SDK1: variants seen among roughly 807,000 people sequenced by gnomAD.
The protein encoded by SDK1 is protein sidekick-1.
Under a neutral mutation model 245.5 loss-of-function variants are expected in SDK1, and 157 were observed. The observed-to-expected ratio is 0.64, with a 90% CI of 0.56 to 0.73. The LOEUF (loss-of-function observed/expected upper bound fraction) is 0.73, where lower values mean the gene tolerates loss of function less well. Ranked by LOEUF, SDK1 falls within the 30% of genes least tolerant of loss-of-function variation. SDK1 has a pLI of 0.00. For missense variants in SDK1, 3,583 were observed against 3,002.3 expected (o/e 1.19, Z -4.52); for synonymous variants, 1,647 against 1,278.5 (o/e 1.29, Z -6.15).
At position 4,142,726 on chromosome 7, in the gene SDK1, A is replaced by G. The variant is rs538076408; in HGVS notation, c.4229-2996A>G. Reference sequence around the variant, plus strand: ...GATCCACCCTCCTTGGCCTCCCAAAATGCTGGGATTACAGGCGTGAGCCAC... The same window carrying G: ...GATCCACCCTCCTTGGCCTCCCAAAGTGCTGGGATTACAGGCGTGAGCCAC... On this transcript the variant is annotated intron_variant, in intron 28 of 44. Transcript: ENST00000404826. 8.9e-4 allele frequency among the ~76,000 whole-genome samples: 136 copies of G among 152,158 alleles called. 1 individual carries two copies. Among genetic ancestry groups the G allele is most frequent in the Non-Finnish European group, 1.6e-3 (109 of 67,982 alleles).
In SDK1 at chr7:3,619,132, G is replaced by GA. The variant is rs1387016135; in HGVS notation, c.351_352insA (p.Glu118ArgfsTer25). Reference sequence around the variant, plus strand: ...AGCCAGGCCTACCACAGATCCACCTGGAAGGGAACCGCCTTGTTCTCACCT... The same window carrying GA: ...AGCCAGGCCTACCACAGATCCACCTGAGAAGGGAACCGCCTTGTTCTCACCT... On this transcript the variant is annotated frameshift_variant, in exon 2 of 45. Coordinates refer to ENST00000404826, the MANE Select transcript of SDK1 (RefSeq NM_152744.4). LOFTEE classifies it high-confidence loss of function. 1 of 1,613,624 alleles carries GA rather than the reference G, an allele frequency of 6.2e-7. No individual in the cohort carries two copies. Among genetic ancestry groups the GA allele is most frequent in the Non-Finnish European group, 8.5e-7 (1 of 1,179,742 alleles).
intron 4 of SDK1, among the ~76,000 whole-genome samples, chr7:3,703,008 A>G (rs1488985885): frequency 9.9e-5 from 15 of 151,844 alleles, no homozygotes; most frequent in African/African-American, 3.1e-4. Flanking sequence ...GTGCATCTAG[A>G]AAATATTGGA....
chr7:3,624,594 C>G (rs1232445228), intron 2 of SDK1, among the ~76,000 whole-genome samples: 2 of 151,922 alleles, frequency 1.3e-5, no homozygotes, highest in Non-Finnish European at 2.9e-5. Flanking sequence ...AGAAGAATAC[C>G]AACAAATTTT....
At chr7:4,230,813 C>T (rs1194881139) in intron 40 of SDK1, among the ~76,000 whole-genome samples, 3 of 152,044 alleles carry the variant, frequency 2.0e-5, no homozygotes, top group South Asian at 2.1e-4. Context: ...CTTCCTGGAA[C>T]GTGGGGTGGG....
chr7:3,321,788 C>CCTTCCTTT (rs1779816816), intron 1 of SDK1, among the ~76,000 whole-genome samples: 1 of 82,036 alleles, frequency 1.2e-5, no homozygotes, highest in Non-Finnish European at 2.3e-5. Flanking sequence ...CTCCTTCCTT[C>CCTTCCTTT]CTTCCTTCCT....
chr7:4,099,334 C>A (rs1782386777), intron 22 of SDK1, among the ~76,000 whole-genome samples: 2 of 145,534 alleles, frequency 1.4e-5, no homozygotes, highest in Non-Finnish European at 3.0e-5. Flanking sequence ...GCAGGGAATG[C>A]CACACAGGGC....
At chr7:3,759,993 T>G (rs974544768) in intron 4 of SDK1, among the ~76,000 whole-genome samples, 4 of 152,220 alleles carry the variant, frequency 2.6e-5, no homozygotes, top group African/African-American at 9.7e-5. Context: ...GGTATAAATT[T>G]TGTAGAGACC....
At chr7:3,376,798 TAAA>T (rs145450654) in intron 1 of SDK1, among the ~76,000 whole-genome samples, 2 of 151,756 alleles carry the variant, frequency 1.3e-5, no homozygotes, top group African/African-American at 2.4e-5. Context: ...TGTATACTGT[TAAA>T]AAAAAATCCC....
intron 5 of SDK1, among the ~76,000 whole-genome samples, chr7:3,938,737 T>C (rs1780252595): frequency 6.6e-6 from 1 of 152,004 alleles, no homozygotes; most frequent in Non-Finnish European, 1.5e-5. Context: ...CTAAATATGC[T>C]CCTAAATCAT....
intron 4 of SDK1, among the ~76,000 whole-genome samples, chr7:3,708,848 A>C (rs898526542): frequency 7.9e-5 from 12 of 152,238 alleles, no homozygotes; most frequent in Non-Finnish European, 1.6e-4. Context: ...TTTTCTATCT[A>C]TTCTGCCCAT....
rs375263950 is a variant in SDK1 at position 3,955,146 on chromosome 7, G to A, written c.1150+3226G>A. On this transcript the variant is annotated intron_variant, in intron 7 of 44. Coordinates refer to ENST00000404826, the MANE Select transcript of SDK1 (RefSeq NM_152744.4). ...ACGATGGCTCGGAAACTCGGACGGC[G>A]AGTTTTCACTGGGATGGACTCTTTA... 3.3e-5 allele frequency among the ~76,000 whole-genome samples: 5 copies of A among 152,286 alleles called. No individual in the cohort carries two copies. The East Asian group carries it at 5.8e-4, about 18-fold the overall frequency.
intron 35 of SDK1, among the ~76,000 whole-genome samples, chr7:4,185,379 C>G: frequency 6.6e-6 from 1 of 152,206 alleles, no homozygotes; most frequent in East Asian, 1.9e-4. Context: ...ACTCACTATT[C>G]ATGGATGGGC....
intron 7 of SDK1, among the ~76,000 whole-genome samples, chr7:3,954,859 G>A (rs1044508122): frequency 3.3e-5 from 5 of 151,800 alleles, no homozygotes; most frequent in Admixed American, 6.6e-5. Context: ...TATCCTATAT[G>A]TCCCATTGCA....
intron 1 of SDK1, among the ~76,000 whole-genome samples, chr7:3,614,613 T>C (rs1217419031): frequency 6.6e-6 from 1 of 152,230 alleles, no homozygotes; most frequent in East Asian, 1.9e-4. Flanking sequence ...TCCCTTTCTG[T>C]CCCCAAAGTT....
intron 1 of SDK1, among the ~76,000 whole-genome samples, chr7:3,311,615 G>A (rs1344729970): frequency 6.6e-6 from 1 of 152,170 alleles, no homozygotes; most frequent in Non-Finnish European, 1.5e-5. Flanking sequence ...TGGCAGAATG[G>A]TAAGTAATTA....
intron 1 of SDK1, among the ~76,000 whole-genome samples, chr7:3,499,684 C>G (rs1215746229): frequency 6.6e-6 from 1 of 152,214 alleles, no homozygotes; most frequent in Non-Finnish European, 1.5e-5. Context: ...GTTGCCACTG[C>G]AGGCTACTAT....
chr7:3,353,923 C>G (rs2080822872), intron 1 of SDK1, among the ~76,000 whole-genome samples: 1 of 152,056 alleles, frequency 6.6e-6, no homozygotes, highest in Admixed American at 6.6e-5. Context: ...AGTTACGTAA[C>G]TGACTTGCTC....
In SDK1 at chr7:4,127,392, G is replaced by T. The variant is rs1020652566; in HGVS notation, c.3835G>T (p.Ala1279Ser). The change falls in exon 26 of 45, where the codon GCC (alanine) becomes TCC (serine). Residue 1279 changes from alanine to serine, a missense_variant. Physicochemically the swap from Ala to Ser is moderately conservative, Grantham distance 99. Transcript: ENST00000404826. The part of the protein sequence containing the change: ...GRTRESVPSA[A>S]PENVSAEAVS... ...TTGGTTCTTTGCAGTTCCTTCAGCC[G>T]CCCCTGAGAACGTGTCAGCCGAGGC... 1 of 1,613,828 alleles carries T rather than the reference G, an allele frequency of 6.2e-7. No homozygotes were observed. The highest frequency in any genetic ancestry group is 8.5e-7 in the Non-Finnish European group (1 of 1,179,744).
intron 1 of SDK1, among the ~76,000 whole-genome samples, chr7:3,448,585 A>G (rs1780415579): frequency 6.6e-6 from 1 of 151,900 alleles, no homozygotes; most frequent in South Asian, 2.1e-4. Flanking sequence ...TTACTGTCTT[A>G]TTTTTTATAT....
Sources: allele counts gnomAD v4.1 joint callset (sites outside exome capture counted in the v4.1 genomes callset), GRCh38; gene constraint gnomAD v4.1.1; transcripts MANE v1.5; gene names NCBI Gene and HGNC (gene_info 2026-07-23, HGNC 2026-07-21).